Variants in ZFYVE28 observed in about 807,000 individuals in gnomAD.
ZFYVE28 encodes lateral signaling target protein 2 homolog.
Under a neutral mutation model 82.1 loss-of-function variants are expected in ZFYVE28, and 40 were observed. That is an observed-to-expected ratio of 0.49 (90% confidence interval 0.38 to 0.63). The LOEUF is 0.63. Ranked by LOEUF, ZFYVE28 falls within the 30% of genes least tolerant of loss-of-function variation. ZFYVE28 has a pLI of 0.00. For missense variants in ZFYVE28, 1,321 were observed against 1,242.1 expected, an observed-to-expected ratio of 1.06 and a Z score of -0.96; for synonymous variants, 612 against 546.1, an observed-to-expected ratio of 1.12 and a Z score of -1.68.
chr4:2,339,578 C>A lies in ZFYVE28; in HGVS notation c.396G>T (p.Thr132=). Residue 132 remains threonine (T), a synonymous_variant, in exon 4 of 13, where the codon ACG becomes ACT. Transcript: ENST00000290974. The surrounding 1 kb of genome is among the most constrained non-coding windows in gnomAD (Gnocchi z 5.0). ...CGCCCCGCACGTCCTCCAGGCTGCG[C>A]GTCAGCTCCTTGGCCAGCGGGCGCA... ...MAMRPLAKEL[T]RSLEDVRGAL... 2 of 1,612,722 alleles carry A rather than the reference C, an allele frequency of 1.2e-6. No homozygotes were observed. The highest frequency in any genetic ancestry group is 1.7e-6 in the Non-Finnish European group (2 of 1,179,684).
chr4:2,305,046 C>T lies in ZFYVE28; in HGVS notation c.1294G>A (p.Asp432Asn), dbSNP rs564089384. The T allele has an allele frequency of 1.0e-4, 164 of 1,612,384 alleles. No individual in the cohort carries two copies. The highest frequency in any genetic ancestry group is 8.3e-4 in the South Asian group (76 of 91,026). Residue 432 changes from aspartate (D) to asparagine (N), a missense_variant, in exon 8 of 13, where the codon GAC (aspartate) becomes AAC (asparagine). Asp to Asn is a conservative substitution (Grantham distance 23). Coordinates refer to ENST00000290974, the MANE Select transcript of ZFYVE28 (RefSeq NM_020972.3). ...PFGWAGSTWADPQEKGQGGPG... is the reference protein window; with the variant it reads ...PFGWAGSTWANPQEKGQGGPG... The stretch of plus-strand genomic sequence containing the variant: ...CCACCCTGCCCTTTCTCCTGGGGGT[C>T]GGCCCAGGTACTGCCTGCCCACCCA...
Position 2,396,504 on chromosome 4 carries a change from A to G in ZFYVE28, c.39+21781T>C, listed in dbSNP as rs1221179011. Among the ~76,000 whole-genome samples the G allele has an allele frequency of 3.0e-4, 3 of 10,012 alleles. 1 individual carries two copies. Among genetic ancestry groups the G allele is most frequent in the Admixed American group, 1.4e-3 (1 of 712 alleles). The allele number at this position is 10,012 out of a possible 152,430, so 6.6% of individuals were successfully genotyped here. On this transcript the variant is annotated intron_variant, in intron 1 of 12. Coordinates refer to ENST00000290974, the MANE Select transcript of ZFYVE28 (RefSeq NM_020972.3). ...TGGGGGTGTCTGAGCTGATGGGACC[A>G]GCCATCCTGCAGAGGGGCCATAAGG...
chr4:2,320,418 C>T lies in ZFYVE28; in HGVS notation c.702-147G>A, dbSNP rs750502989. On this transcript the variant is annotated intron_variant, in intron 6 of 12. Transcript: ENST00000290974. This position sits in a 1 kb window ranked among gnomAD's most constrained non-coding sequence, Gnocchi z 5.1. ...GCACGGCCGCCGCCTCATGCTTTGC[C>T]TTGTGTGATTGCATTGTAAATAAGT... The T allele has an allele frequency of 6.4e-6, 4 of 627,522 alleles. No homozygotes were observed. The highest frequency in any genetic ancestry group is 1.1e-5 in the Non-Finnish European group (4 of 354,450). The allele number at this position is 627,522 out of a possible 1,614,324, so 38.9% of individuals were successfully genotyped here.
At chr4:2,271,981 T>G (rs1350250642) in intron 10 of ZFYVE28, among the ~76,000 whole-genome samples, 1 of 152,158 alleles carries the variant, frequency 6.6e-6, no homozygotes, top group African/African-American at 2.4e-5. Flanking sequence ...GGCCTCTCCT[T>G]TGCACAACAT....
chr4:2,331,954 C>T (rs914946191), intron 6 of ZFYVE28, among the ~76,000 whole-genome samples: 1 of 152,232 alleles, frequency 6.6e-6, no homozygotes, highest in African/African-American at 2.4e-5. Context: ...CTCTGACCCT[C>T]GGGTGGGCTT....
intron 9 of ZFYVE28, among the ~76,000 whole-genome samples, chr4:2,273,512 C>G (rs1231946038): frequency 1.3e-5 from 2 of 152,190 alleles, no homozygotes; most frequent in Non-Finnish European, 1.5e-5. Context: ...GACGACCAGA[C>G]AGACAGCCCC....
chr4:2,357,710 G>T (rs1049512044), intron 1 of ZFYVE28, among the ~76,000 whole-genome samples: 1 of 152,162 alleles, frequency 6.6e-6, no homozygotes, highest in Non-Finnish European at 1.5e-5. Context: ...TCGCTGACGA[G>T]ACACCATCTG....
chr4:2,322,462 G>A (rs1359161212), intron 6 of ZFYVE28, among the ~76,000 whole-genome samples: 1 of 151,324 alleles, frequency 6.6e-6, no homozygotes, highest in East Asian at 2.0e-4. Flanking sequence ...CTGGGGTCTC[G>A]GTGTGGCCAG....
At chr4:2,402,946 T>C (rs3128772) in intron 1 of ZFYVE28, among the ~76,000 whole-genome samples, 129,284 of 152,238 alleles carry the variant, frequency 0.85, 55,058 homozygotes, top group Admixed American at 0.9. Context: ...AGGACGTGCC[T>C]ACCACCCATC....
chr4:2,407,968 C>T (rs566759399), intron 1 of ZFYVE28, among the ~76,000 whole-genome samples: 139 of 152,334 alleles, frequency 9.1e-4, no homozygotes, highest in Non-Finnish European at 1.7e-3. Flanking sequence ...GAACCCCTTT[C>T]TCCTCTGTCT....
At chr4:2,346,466 T>C (rs1327031220) in intron 2 of ZFYVE28, among the ~76,000 whole-genome samples, 1 of 151,790 alleles carries the variant, frequency 6.6e-6, no homozygotes, top group Non-Finnish European at 1.5e-5. Flanking sequence ...ACATGGTAAA[T>C]ATACAAGATC....
rs148987444 is a variant in ZFYVE28 at position 2,410,442 on chromosome 4, C to T, written c.39+7843G>A. On this transcript the variant is annotated intron_variant, in intron 1 of 12. Transcript: ENST00000290974. ...CTCATGGCGATGGCTTGTATCAGAACATCCTCCCTTTCTTTTTTTTTTTTT... is the reference window on the plus strand; with the variant it reads ...CTCATGGCGATGGCTTGTATCAGAATATCCTCCCTTTCTTTTTTTTTTTTT... Among the ~76,000 whole-genome samples, 8 of 143,064 alleles carry T rather than the reference C, an allele frequency of 5.6e-5. No individual in the cohort carries two copies. The East Asian group carries it at 1.7e-3, about 30-fold the overall frequency. The allele number at this position is 143,064 out of a possible 152,430, so 93.9% of individuals were successfully genotyped here.
At chr4:2,342,211 C>T (rs1350270745) in intron 2 of ZFYVE28, among the ~76,000 whole-genome samples, 1 of 152,226 alleles carries the variant, frequency 6.6e-6, no homozygotes, top group Non-Finnish European at 1.5e-5. Context: ...CCTCCCACCT[C>T]CTCTGGAACC....
rs114990081 is a variant in ZFYVE28 at position 2,384,683 on chromosome 4, T to C, written c.40-30610A>G. Reference sequence around the variant, plus strand: ...GAAACAGCCTTACCTGCCAGGATCATAGGGGGAGCATGGAAACACACAGCC... The same window carrying C: ...GAAACAGCCTTACCTGCCAGGATCACAGGGGGAGCATGGAAACACACAGCC... On this transcript the variant is annotated intron_variant, in intron 1 of 12. Transcript: ENST00000290974. Among the ~76,000 whole-genome samples, 713 of 152,160 alleles carry C rather than the reference T, an allele frequency of 4.7e-3. 5 individuals are homozygous for C. Among genetic ancestry groups the C allele is most frequent in the African/African-American group, 0.016 (666 of 41,502 alleles).
At chr4:2,330,832 G>A in intron 6 of ZFYVE28, 1 of 1,534,996 alleles carries the variant, frequency 6.5e-7, no homozygotes, top group South Asian at 1.2e-5. Context: ...ACCCAGGGCA[G>A]CGGGTGCGTG....
chr4:2,270,615 T>C lies in ZFYVE28; in HGVS notation c.*110A>G. 1 of 1,496,996 alleles carries C rather than the reference T, an allele frequency of 6.7e-7. No homozygotes were observed. Among genetic ancestry groups the C allele is most frequent in the Admixed American group, 1.9e-5 (1 of 51,728 alleles). The allele number at this position is 1,496,996 out of a possible 1,614,324, so 92.7% of individuals were successfully genotyped here. ...GATGCTCTGGAGGTCTGGGTGCCCC[T>C]GCAGCAGCGGCAGCGGCCTCATGAG... On this transcript the variant is annotated 3_prime_UTR_variant, in exon 13 of 13. Coordinates refer to ENST00000290974, the MANE Select transcript of ZFYVE28 (RefSeq NM_020972.3).
chr4:2,369,489 G>A (rs886535484), intron 1 of ZFYVE28, among the ~76,000 whole-genome samples: 3 of 152,192 alleles, frequency 2.0e-5, no homozygotes, highest in South Asian at 2.1e-4. Flanking sequence ...TGGTCCCCTT[G>A]AAGCATGTCT....
chr4:2,403,650 G>A (rs948739226), intron 1 of ZFYVE28, among the ~76,000 whole-genome samples: 1 of 152,136 alleles, frequency 6.6e-6, no homozygotes. Context: ...CCCCGCCTCC[G>A]ATGACCCACT....
At chr4:2,307,435 G>A (rs1348891915) in intron 7 of ZFYVE28, among the ~76,000 whole-genome samples, 1 of 152,032 alleles carries the variant, frequency 6.6e-6, no homozygotes, top group Non-Finnish European at 1.5e-5. Context: ...TCCTGTTTAA[G>A]AAATCTCTTC....
Sources: gnomAD v4.1 joint callset for allele counts (sites outside exome capture counted in the v4.1 genomes callset) on GRCh38, gnomAD v4.1.1 for gene constraint, Gnocchi (gnomAD v3.1) non-coding constraint, MANE v1.5 for transcripts, NCBI Gene and HGNC (gene_info 2026-07-23, HGNC 2026-07-21) for gene names.